SNTG2: variants seen among roughly 807,000 people sequenced by gnomAD.
The protein encoded by SNTG2 is syntrophin gamma 2.
SNTG2 carries 74 observed loss-of-function variants against 70.9 expected under a neutral mutation model. The observed-to-expected ratio is 1.04, with a 90% CI of 0.86 to 1.27. The LOEUF (loss-of-function observed/expected upper bound fraction) is 1.27. Ranked by LOEUF, SNTG2 falls within the 50% of genes most tolerant of loss-of-function variation. The probability of loss-of-function intolerance (pLI) is 0.00; values close to 1 mark genes in which losing one functional copy is unlikely to be tolerated. For synonymous variants in SNTG2, 278 were observed against 273.8 expected (o/e 1.02, Z -0.15); for missense variants, 717 against 690.7 (o/e 1.04, Z -0.43).
At chr2:1,204,562 T>C (rs1191750505) in intron 8 of SNTG2, among the ~76,000 whole-genome samples, 2 of 152,200 alleles carry the variant, frequency 1.3e-5, no homozygotes, top group Non-Finnish European at 2.9e-5. Context: ...ATTGTGCACA[T>C]TCTGAGTAGC....
At chr2:983,214 C>T (rs13031729) in intron 1 of SNTG2, among the ~76,000 whole-genome samples, 1 of 82,554 alleles carries the variant, frequency 1.2e-5, no homozygotes, top group Non-Finnish European at 2.8e-5. Context: ...GGTCAGGATG[C>T]AGAAGCTGCA....
chr2:1,179,173 A>G (rs12616020), intron 8 of SNTG2, among the ~76,000 whole-genome samples: 43,879 of 151,798 alleles, frequency 0.29, 7,227 homozygotes, highest in East Asian at 0.65. Flanking sequence ...TTTTTATTGC[A>G]TCTATTTGAT....
chr2:1,140,002 A>G (rs939546738), intron 6 of SNTG2, among the ~76,000 whole-genome samples: 1 of 152,212 alleles, frequency 6.6e-6, no homozygotes, highest in African/African-American at 2.4e-5. Context: ...ATGAGACATA[A>G]AATCTCAATT....
chr2:974,914 C>G (rs1044973310), intron 1 of SNTG2, among the ~76,000 whole-genome samples: 4 of 152,108 alleles, frequency 2.6e-5, no homozygotes, highest in Non-Finnish European at 5.9e-5. Context: ...CCAAACTAAA[C>G]AAAAAATAAA....
At chr2:1,280,841 A>T (rs1679480498) in intron 14 of SNTG2, among the ~76,000 whole-genome samples, 1 of 152,212 alleles carries the variant, frequency 6.6e-6, no homozygotes, top group Non-Finnish European at 1.5e-5. Flanking sequence ...TGTATTGTGT[A>T]ATTATAGAAA....
chr2:1,204,343 C>T (rs369289770), intron 8 of SNTG2, among the ~76,000 whole-genome samples: 1 of 149,924 alleles, frequency 6.7e-6, no homozygotes, highest in Non-Finnish European at 1.5e-5. Flanking sequence ...AAGTGCAAAG[C>T]TTTTCAGTGA....
chr2:1,228,721 C>G (rs1256125598), intron 9 of SNTG2, among the ~76,000 whole-genome samples: 1 of 152,210 alleles, frequency 6.6e-6, no homozygotes, highest in Non-Finnish European at 1.5e-5. Context: ...AATTTTCACT[C>G]TGGATTCATG....
intron 4 of SNTG2, among the ~76,000 whole-genome samples, chr2:1,106,430 T>G (rs1230594072): frequency 3.0e-4 from 27 of 88,812 alleles, no homozygotes; most frequent in African/African-American, 6.1e-4. Context: ...TCCTTGATAA[T>G]AATGGACACG....
intron 1 of SNTG2, among the ~76,000 whole-genome samples, chr2:1,034,873 T>G (rs1661046563): frequency 6.6e-6 from 1 of 152,212 alleles, no homozygotes; most frequent in South Asian, 2.1e-4. Context: ...ATGGATCTGA[T>G]GGACCTCTAA....
rs796340457 is a variant in SNTG2 at position 1,153,743 on chromosome 2, A to G, written c.412-11805A>G. Among the ~76,000 whole-genome samples, 43 of 152,382 alleles carry G rather than the reference A, an allele frequency of 2.8e-4. 1 individual carries two copies. The highest frequency in any genetic ancestry group is 1.0e-3 in the African/African-American group (43 of 41,598). ...AGTAAAATGCAGGTTATTTAAGGAAAAAAACACTATTGATGCTGAAAATGT... is the reference window on the plus strand; with the variant it reads ...AGTAAAATGCAGGTTATTTAAGGAAGAAAACACTATTGATGCTGAAAATGT... On this transcript the variant is annotated intron_variant, in intron 6 of 16. Transcript: ENST00000308624.
chr2:1,332,697 A>G (rs1659597766), intron 16 of SNTG2, among the ~76,000 whole-genome samples: 1 of 152,216 alleles, frequency 6.6e-6, no homozygotes, highest in Non-Finnish European at 1.5e-5. Context: ...AAAATTAAAA[A>G]CAAAAACCAT....
At chr2:1,206,468 C>T (rs1673640753) in intron 8 of SNTG2, among the ~76,000 whole-genome samples, 1 of 152,194 alleles carries the variant, frequency 6.6e-6, no homozygotes, top group Non-Finnish European at 1.5e-5. Context: ...TGGCATGTTC[C>T]TTCTCCTTGG....
At chr2:1,121,885 C>G (rs1423987245) in intron 4 of SNTG2, among the ~76,000 whole-genome samples, 1 of 151,986 alleles carries the variant, frequency 6.6e-6, no homozygotes, top group Non-Finnish European at 1.5e-5. Flanking sequence ...ATATTATAAT[C>G]TAAGAAACAG....
At chr2:963,145 A>G (rs1230355992) in intron 1 of SNTG2, among the ~76,000 whole-genome samples, 1 of 152,122 alleles carries the variant, frequency 6.6e-6, no homozygotes, top group Admixed American at 6.5e-5. Context: ...TAAAAAAAAA[A>G]CTTCATTATT....
At position 1,209,124 on chromosome 2, in the gene SNTG2, C is replaced by T. The variant is rs1465063833; in HGVS notation, c.613C>T (p.Pro205Ser). The T allele has an allele frequency of 6.2e-7, 1 of 1,613,866 alleles. No individual in the cohort carries two copies. The highest frequency in any genetic ancestry group is 1.3e-5 in the African/African-American group (1 of 74,918). The change falls in exon 9 of 17, where the codon CCC (proline) becomes TCC (serine). Residue 205 changes from proline (P) to serine (S), a missense_variant. By Grantham distance (74) the Pro-to-Ser change is moderately conservative. Transcript: ENST00000308624. ...STTAPSSPSS[P>S]IAKDPRYEKR... ...ACAGGCCCCATCGTCACCTTCCTCG[C>T]CCATAGCTAAGGACCCGAGGTATGA...
intron 14 of SNTG2, among the ~76,000 whole-genome samples, chr2:1,283,468 G>A (rs1478335329): frequency 3.9e-5 from 6 of 152,150 alleles, no homozygotes; most frequent in Non-Finnish European, 7.3e-5. Context: ...AGTCAACGGA[G>A]CTGCTGTGCA....
intron 13 of SNTG2, among the ~76,000 whole-genome samples, chr2:1,266,343 C>T (rs1204818882): frequency 6.6e-6 from 1 of 152,164 alleles, no homozygotes; most frequent in Non-Finnish European, 1.5e-5. Flanking sequence ...TGCAACCTTG[C>T]AGATGGGGGA....
intron 1 of SNTG2, among the ~76,000 whole-genome samples, chr2:965,497 C>CT (rs1215603943): frequency 6.6e-6 from 1 of 151,620 alleles, no homozygotes; most frequent in African/African-American, 2.4e-5. Flanking sequence ...CCTTGATCCT[C>CT]TGGTCTTCTT....
chr2:1,362,228 A>G (rs35224933), intron 16 of SNTG2, among the ~76,000 whole-genome samples: 86,419 of 125,802 alleles, frequency 0.69, 29,773 homozygotes, highest in East Asian at 0.93. Context: ...GAAGGTCACC[A>G]ACACTGAGTG....
Sources: gnomAD v4.1 joint callset for allele counts (sites outside exome capture counted in the v4.1 genomes callset) on GRCh38, gnomAD v4.1.1 for gene constraint, MANE v1.5 for transcripts, NCBI Gene and HGNC (gene_info 2026-07-23, HGNC 2026-07-21) for gene names.